The following C14orf39 variants were observed in gnomAD, a reference collection of about 807,000 sequenced individuals.
The protein encoded by C14orf39 is protein SIX6OS1.
C14orf39 carries 66 observed loss-of-function variants against 85.6 expected under a neutral mutation model. That is an observed-to-expected ratio of 0.77 (90% CI 0.63 to 0.95). The LOEUF is 0.95. Among genes scored for constraint, C14orf39 ranks in the 40% least tolerant of loss-of-function variants. The pLI, the probability that C14orf39 is intolerant of heterozygous loss-of-function variation, is 0.00. For synonymous variants in C14orf39, 242 were observed against 214.0 expected (o/e 1.13, Z -1.14); for missense variants, 735 against 663.9 (o/e 1.11, Z -1.18).
chr14:60,493,328 A>T (rs1371930489), intron 2 of C14orf39, among the ~76,000 whole-genome samples: 4 of 152,192 alleles, frequency 2.6e-5, no homozygotes, highest in Non-Finnish European at 5.9e-5. Flanking sequence ...GTACATGGTT[A>T]GCTGGCATAT....
At position 60,465,974 on chromosome 14, in the gene C14orf39, C is replaced by A; in HGVS notation, c.972+5G>T. 1.3e-6 allele frequency: 2 copies of A among 1,522,634 alleles called. No individual in the cohort carries two copies. Among genetic ancestry groups the A allele is most frequent in the Non-Finnish European group, 1.8e-6 (2 of 1,131,232 alleles). The allele number at this position is 1,522,634 out of a possible 1,614,324, so 94.3% of individuals were successfully genotyped here. On this transcript the variant is annotated splice_donor_5th_base_variant and intron_variant, in intron 11 of 17. Transcript: ENST00000321731. Reference sequence around the variant, plus strand: ...AATTTATACTACTAAAAGTGAGACACCTACCTGTGTATCATTTTCTTTTTG... The same window carrying A: ...AATTTATACTACTAAAAGTGAGACAACTACCTGTGTATCATTTTCTTTTTG...
intron 13 of C14orf39, among the ~76,000 whole-genome samples, chr14:60,459,878 AC>A (rs1416339645): frequency 6.6e-6 from 1 of 151,798 alleles, no homozygotes; most frequent in Non-Finnish European, 1.5e-5. Context: ...TGAAAGTTTT[AC>A]GTACTTCAAA....
chr14:60,461,319 C>T lies in C14orf39; in HGVS notation c.1117+35G>A, dbSNP rs116519807. ...AAAAACCTGATATAATTTGTTACCC[C>T]GACTTCTTAGAAGAAAAATATAAAC... On this transcript the variant is annotated intron_variant, in intron 13 of 17. Coordinates refer to ENST00000321731, the MANE Select transcript of C14orf39 (RefSeq NM_174978.3). The T allele has an allele frequency of 7.8e-4, 1,223 of 1,569,670 alleles. 10 individuals are homozygous for T. In the African/African-American group the frequency reaches 0.015, roughly 19 times the overall value.
chr14:60,469,606 T>C lies in C14orf39; in HGVS notation c.602A>G (p.Asn201Ser), dbSNP rs372274788. 75 of 1,522,306 alleles carry C rather than the reference T, an allele frequency of 4.9e-5. No homozygotes were observed. The highest frequency in any genetic ancestry group is 1.7e-4 in the African/African-American group (12 of 72,176). The allele number at this position is 1,522,306 out of a possible 1,614,324, so 94.3% of individuals were successfully genotyped here. ...ETQDILKHASNLTKSSSELKK... is the reference protein window; with the variant it reads ...ETQDILKHASSLTKSSSELKK... ...CAATTCGGATGAACTTTTGGTAAGA[T>C]TGCTGGCATGTTTAAGAATATCTTG... The change falls in exon 8 of 18, where the codon AAT becomes AGT. Residue 201 changes from asparagine (N) to serine (S), a missense_variant. By Grantham distance (46) the Asn-to-Ser change is conservative. Coordinates refer to ENST00000321731, the MANE Select transcript of C14orf39 (RefSeq NM_174978.3).
intron 8 of C14orf39, among the ~76,000 whole-genome samples, chr14:60,469,148 A>G (rs1305651932): frequency 6.6e-6 from 1 of 151,036 alleles, no homozygotes; most frequent in African/African-American, 2.4e-5. Flanking sequence ...TAAATTCTTT[A>G]TTTACTACCT....
Position 60,475,313 on chromosome 14 carries a change from G to A in C14orf39, c.323+2987C>T, listed in dbSNP as rs183850631. Among the ~76,000 whole-genome samples the A allele has an allele frequency of 7.6e-4, 115 of 151,616 alleles. 3 individuals are homozygous for A. Among genetic ancestry groups the A allele is most frequent in the African/African-American group, 3.1e-4 (13 of 41,340 alleles). Reference sequence around the variant, plus strand: ...TCTTTTCTTCATTAGTCTTGCTGGCGGTCTATCAATTTTATCTTTTCAAAA... The same window carrying A: ...TCTTTTCTTCATTAGTCTTGCTGGCAGTCTATCAATTTTATCTTTTCAAAA... On this transcript the variant is annotated intron_variant, in intron 5 of 17. Coordinates refer to ENST00000321731, the MANE Select transcript of C14orf39 (RefSeq NM_174978.3).
intron 17 of C14orf39, among the ~76,000 whole-genome samples, chr14:60,440,286 A>C (rs1890447316): frequency 6.6e-6 from 1 of 151,784 alleles, no homozygotes; most frequent in South Asian, 2.1e-4. Flanking sequence ...TTTCAATTAA[A>C]ACACTTCCTA....
intron 13 of C14orf39, among the ~76,000 whole-genome samples, chr14:60,459,200 T>C (rs1891410992): frequency 6.6e-6 from 1 of 151,764 alleles, no homozygotes. Flanking sequence ...TGCATCCATA[T>C]TATTGCACAA....
intron 16 of C14orf39, among the ~76,000 whole-genome samples, chr14:60,447,665 A>G (rs1364361873): frequency 6.6e-6 from 1 of 152,174 alleles, no homozygotes; most frequent in Non-Finnish European, 1.5e-5. Flanking sequence ...GCTACCAAAG[A>G]CTTTCTTCAT....
chr14:60,440,123 T>C (rs1890439481), intron 17 of C14orf39, among the ~76,000 whole-genome samples: 1 of 152,200 alleles, frequency 6.6e-6, no homozygotes, highest in South Asian at 2.1e-4. Flanking sequence ...ATGGCAGACA[T>C]TTAATAAATA....
intron 1 of C14orf39, among the ~76,000 whole-genome samples, chr14:60,514,355 G>T (rs990827353): frequency 6.6e-6 from 1 of 152,162 alleles, no homozygotes; most frequent in Non-Finnish European, 1.5e-5. Flanking sequence ...CCAAAAAGCA[G>T]CTACTCCAGC....
At position 60,491,924 on chromosome 14, in the gene C14orf39, T is replaced by A. The variant is rs375141086; in HGVS notation, c.-8-6838A>T. 3.9e-5 allele frequency among the ~76,000 whole-genome samples: 6 copies of A among 151,994 alleles called. No individual in the cohort carries two copies. In the East Asian group the frequency reaches 7.7e-4, roughly 20 times the overall value. On this transcript the variant is annotated intron_variant, in intron 2 of 5. Coordinates refer to the C14orf39 transcript ENST00000556799. This position sits in a 1 kb window ranked among gnomAD's most constrained non-coding sequence, Gnocchi z 4.5. ...ACAAAATACATTTTATTGGAAAAAATTCAAAATTTATTTTTCAACAGACAG... is the reference window on the plus strand; with the variant it reads ...ACAAAATACATTTTATTGGAAAAAAATCAAAATTTATTTTTCAACAGACAG...
chr14:60,481,482 C>G (rs981517990), intron 4 of C14orf39, among the ~76,000 whole-genome samples: 2 of 152,076 alleles, frequency 1.3e-5, no homozygotes, highest in African/African-American at 4.8e-5. Context: ...CATAGTGAGA[C>G]TCCATCTCTA....
intron 16 of C14orf39, among the ~76,000 whole-genome samples, chr14:60,446,150 G>C (rs1890754986): frequency 6.6e-6 from 1 of 152,140 alleles, no homozygotes; most frequent in African/African-American, 2.4e-5. Context: ...AAAATTAAAA[G>C]AGCTAGAGGA....
intron 1 of C14orf39, among the ~76,000 whole-genome samples, chr14:60,508,796 A>G (rs752410034): frequency 1.3e-5 from 2 of 150,998 alleles, no homozygotes; most frequent in Admixed American, 6.6e-5. Context: ...TCCTCTGGAG[A>G]CCTCTCGACC....
At chr14:60,440,160 T>TTG (rs1890441051) in intron 17 of C14orf39, among the ~76,000 whole-genome samples, 1 of 152,228 alleles carries the variant, frequency 6.6e-6, no homozygotes, top group Non-Finnish European at 1.5e-5. Context: ...TCTGATCTCA[T>TTG]AGCATTAAAT....
intron 4 of C14orf39, among the ~76,000 whole-genome samples, chr14:60,480,520 A>C (rs186986588): frequency 7.3e-4 from 111 of 152,354 alleles, no homozygotes; most frequent in African/African-American, 2.2e-3. Flanking sequence ...GTAAACTAGT[A>C]CAGCTACTTC....
intron 17 of C14orf39, among the ~76,000 whole-genome samples, chr14:60,437,700 T>C (rs1890322207): frequency 6.6e-6 from 1 of 151,986 alleles, no homozygotes; most frequent in African/African-American, 2.4e-5. Flanking sequence ...GGTACAATCA[T>C]AGTGATGGTA....
chr14:60,460,303 T>G (rs779803899), intron 13 of C14orf39, among the ~76,000 whole-genome samples: 10 of 151,802 alleles, frequency 6.6e-5, no homozygotes, highest in Non-Finnish European at 1.3e-4. Context: ...CTCTGTCAGT[T>G]TGGCATATAT....
Sources: gnomAD v4.1 joint callset for allele counts (sites outside exome capture counted in the v4.1 genomes callset) on GRCh38, gnomAD v4.1.1 for gene constraint, Gnocchi (gnomAD v3.1) non-coding constraint, MANE v1.5 for transcripts, NCBI Gene and HGNC (gene_info 2026-07-23, HGNC 2026-07-21) for gene names.